The following MAML3 variants were observed in gnomAD, a reference collection of about 807,000 sequenced individuals.
The protein encoded by MAML3 is mastermind like transcriptional coactivator 3.
Under a neutral mutation model 101.9 loss-of-function variants are expected in MAML3, and 27 were observed. That is an observed-to-expected ratio of 0.27 (90% confidence interval 0.20 to 0.37). The LOEUF is 0.37. Ranked by LOEUF, MAML3 falls within the 10% of genes least tolerant of loss-of-function variation. MAML3 has a pLI of 1.00. For synonymous variants in MAML3, 501 were observed against 555.9 expected, an observed-to-expected ratio of 0.90 and a Z score of 1.39; for missense variants, 1,316 against 1,444.9, an observed-to-expected ratio of 0.91 and a Z score of 1.45.
At chr4:139,914,301 A>G (rs1286056375) in intron 1 of MAML3, among the ~76,000 whole-genome samples, 1 of 152,164 alleles carries the variant, frequency 6.6e-6, no homozygotes, top group Non-Finnish European at 1.5e-5. Flanking sequence ...GCACTCATCG[A>G]GCATCATTTA....
At chr4:140,087,685 T>C (rs939956706) in intron 1 of MAML3, among the ~76,000 whole-genome samples, 1 of 152,208 alleles carries the variant, frequency 6.6e-6, no homozygotes, top group Non-Finnish European at 1.5e-5. Flanking sequence ...TCTTAATATA[T>C]GTTCTTTCAG....
chr4:139,820,004 T>C (rs1730949313), intron 2 of MAML3, among the ~76,000 whole-genome samples: 4 of 152,166 alleles, frequency 2.6e-5, no homozygotes, highest in African/African-American at 7.2e-5. Context: ...ACCCTACCTC[T>C]CTCTCCAATT....
intron 1 of MAML3, among the ~76,000 whole-genome samples, chr4:139,920,124 T>G (rs1363769165): frequency 6.6e-6 from 1 of 152,266 alleles, no homozygotes. Context: ...CATAACAAAC[T>G]AATGACTAAT....
chr4:139,786,015 C>T (rs1470833382), intron 2 of MAML3, among the ~76,000 whole-genome samples: 2 of 151,982 alleles, frequency 1.3e-5, no homozygotes, highest in Non-Finnish European at 2.9e-5. Context: ...TATTTGGAGA[C>T]AGGGCCTTTA....
At chr4:140,061,627 A>G (rs1578664646) in intron 1 of MAML3, among the ~76,000 whole-genome samples, 1 of 152,240 alleles carries the variant, frequency 6.6e-6, no homozygotes, top group African/African-American at 2.4e-5. Flanking sequence ...CAACCTAGAC[A>G]TAGTTTTCAC....
At chr4:139,806,103 GTCTT>G (rs1194841920) in intron 2 of MAML3, among the ~76,000 whole-genome samples, 3 of 152,128 alleles carry the variant, frequency 2.0e-5, no homozygotes, top group African/African-American at 7.2e-5. Context: ...TTGGTATAAA[GTCTT>G]TCTAAGTATA....
At chr4:140,096,192 G>A (rs1044850103) in intron 1 of MAML3, among the ~76,000 whole-genome samples, 2 of 152,184 alleles carry the variant, frequency 1.3e-5, no homozygotes, top group Non-Finnish European at 2.9e-5. Flanking sequence ...ATTTTGTCTA[G>A]CAACTTACGC....
intron 1 of MAML3, among the ~76,000 whole-genome samples, chr4:140,006,059 C>T (rs1560864129): frequency 6.6e-6 from 1 of 152,190 alleles, no homozygotes; most frequent in Admixed American, 6.5e-5. Flanking sequence ...CTATAGTCAT[C>T]TTTTGTTTGG....
intron 1 of MAML3, among the ~76,000 whole-genome samples, chr4:139,896,833 T>C (rs956740867): frequency 6.6e-6 from 1 of 152,146 alleles, no homozygotes; most frequent in African/African-American, 2.4e-5. Flanking sequence ...GGGAAGGCTA[T>C]GTGCTGGCTG....
At chr4:139,852,552 A>T (rs1255427613) in intron 2 of MAML3, among the ~76,000 whole-genome samples, 1 of 151,688 alleles carries the variant, frequency 6.6e-6, no homozygotes, top group Non-Finnish European at 1.5e-5. Context: ...AGCTGGGATT[A>T]CAGGCACCTG....
At chr4:139,938,722 G>A (rs750798233) in intron 1 of MAML3, among the ~76,000 whole-genome samples, 2 of 152,148 alleles carry the variant, frequency 1.3e-5, no homozygotes, top group Non-Finnish European at 2.9e-5. Flanking sequence ...GATAATTCAA[G>A]TCAATGGAGG....
intron 1 of MAML3, among the ~76,000 whole-genome samples, chr4:140,046,142 G>A (rs1300669065): frequency 6.6e-6 from 1 of 152,186 alleles, no homozygotes. Context: ...CTCTTGTGTG[G>A]TTAGATGAGG....
chr4:140,079,644 T>C lies in MAML3; in HGVS notation c.468+73216A>G, dbSNP rs75538858. On this transcript the variant is annotated intron_variant, in intron 1 of 4. Transcript: ENST00000509479. ...CTCCTTGCATTGGGAAACTAAAGAG[T>C]AAACAACTCCCATCCCCCCAAAAAT... Among the ~76,000 whole-genome samples, 385 of 152,160 alleles carry C rather than the reference T, an allele frequency of 2.5e-3. 1 individual carries two copies. Among genetic ancestry groups the C allele is most frequent in the African/African-American group, 8.6e-3 (358 of 41,502 alleles).
intron 2 of MAML3, among the ~76,000 whole-genome samples, chr4:139,778,342 A>G (rs1730129572): frequency 1.3e-5 from 2 of 152,186 alleles, no homozygotes; most frequent in South Asian, 4.1e-4. Context: ...TGCCTCCTCC[A>G]TTGAGGTCCC....
At chr4:140,116,524 A>G (rs960004753) in intron 1 of MAML3, among the ~76,000 whole-genome samples, 3 of 152,252 alleles carry the variant, frequency 2.0e-5, no homozygotes, top group African/African-American at 7.2e-5. Flanking sequence ...AAGAGAACAC[A>G]AGTCACGTGG....
intron 2 of MAML3, among the ~76,000 whole-genome samples, chr4:139,819,841 C>T (rs200990361): frequency 1.3e-5 from 1 of 76,114 alleles, no homozygotes; most frequent in Non-Finnish European, 4.1e-5. Context: ...AAAAGTCCTT[C>T]CAGGACATAC....
chr4:139,746,449 TC>T (rs11310756), intron 2 of MAML3, among the ~76,000 whole-genome samples: 27,964 of 152,130 alleles, frequency 0.18, 2,832 homozygotes, highest in African/African-American at 0.24. Context: ...TTAAAAATTT[TC>T]CTACCCCTTA....
intron 2 of MAML3, among the ~76,000 whole-genome samples, chr4:139,828,588 A>C (rs1731103562): frequency 6.6e-6 from 1 of 152,246 alleles, no homozygotes; most frequent in Non-Finnish European, 1.5e-5. Context: ...GACGCCAAGC[A>C]AATGAACAAA....
At chr4:140,141,924 G>A (rs1728985822) in intron 1 of MAML3, among the ~76,000 whole-genome samples, 1 of 152,178 alleles carries the variant, frequency 6.6e-6, no homozygotes, top group South Asian at 2.1e-4. Context: ...TATATCTATA[G>A]AAAGAACCCT....
Sources: gnomAD v4.1 joint callset for allele counts (sites outside exome capture counted in the v4.1 genomes callset) on GRCh38, gnomAD v4.1.1 for gene constraint, MANE v1.5 for transcripts, NCBI Gene and HGNC (gene_info 2026-07-23, HGNC 2026-07-21) for gene names.